The following PJA2 variants were observed in gnomAD, a reference collection of about 807,000 sequenced individuals.
PJA2 encodes the protein E3 ubiquitin-protein ligase Praja-2.
Under a neutral mutation model 69.3 loss-of-function variants are expected in PJA2, and 25 were observed. The ratio of observed to expected loss-of-function variants is 0.36; its 90% CI spans 0.26 to 0.50. The LOEUF (loss-of-function observed/expected upper bound fraction) is 0.50, where lower values mean the gene tolerates loss of function less well. Among genes scored for constraint, PJA2 ranks in the 20% least tolerant of loss-of-function variants. The probability of loss-of-function intolerance (pLI) is 0.96; values close to 1 mark genes in which losing one functional copy is unlikely to be tolerated. For missense variants in PJA2, 809 were observed against 830.2 expected (o/e 0.97, Z 0.31); for synonymous variants, 308 against 277.8 (o/e 1.11, Z -1.08).
chr5:109,365,124 G>A (rs1345078403), intron 5 of PJA2, among the ~76,000 whole-genome samples: 5 of 152,122 alleles, frequency 3.3e-5, no homozygotes, highest in Admixed American at 6.5e-5. Context: ...CTAGTGGTTC[G>A]GCTTCCAGTT....
chr5:109,388,195 C>G (rs148513653), intron 1 of PJA2, among the ~76,000 whole-genome samples: 19 of 151,970 alleles, frequency 1.3e-4, no homozygotes, highest in African/African-American at 4.6e-4. Context: ...CATGATATCA[C>G]TCAAGTAGAC....
intron 6 of PJA2, 60 bp from the exon 7 acceptor site, chr5:109,356,086 T>C: frequency 2.7e-6 from 3 of 1,113,776 alleles, no homozygotes; most frequent in Non-Finnish European, 4.0e-6. Flanking sequence ...AATCTTATGC[T>C]GAGGACATAA....
intron 5 of PJA2, among the ~76,000 whole-genome samples, chr5:109,363,802 C>T (rs1487367689): frequency 6.6e-6 from 1 of 151,910 alleles, no homozygotes; most frequent in Admixed American, 6.6e-5. Context: ...ATCAATGGTA[C>T]AGATCAAGAA....
At chr5:109,361,616 A>G (rs1171503442) in intron 6 of PJA2, among the ~76,000 whole-genome samples, 1 of 152,228 alleles carries the variant, frequency 6.6e-6, no homozygotes, top group African/African-American at 2.4e-5. Flanking sequence ...ATGGGGAGAC[A>G]CAGAAACGGA....
chr5:109,405,302 A>C (rs1026895270), intron 1 of PJA2, among the ~76,000 whole-genome samples: 1 of 152,238 alleles, frequency 6.6e-6, no homozygotes, highest in African/African-American at 2.4e-5. Context: ...ATAAATGGAG[A>C]CAACCTGTAT....
chr5:109,362,989 A>G lies in PJA2; in HGVS notation c.1503T>C (p.Pro501=). 6.2e-7 allele frequency: 1 copy of G among 1,606,034 alleles called. No individual in the cohort carries two copies. Among genetic ancestry groups the G allele is most frequent in the Non-Finnish European group, 8.5e-7 (1 of 1,173,848 alleles). Residue 501 remains proline, a synonymous_variant, in exon 6 of 10, where the codon CCT becomes CCC. Transcript: ENST00000361189. ...EQTSLEEGEI[P]WLQYNEVNES... ...CATTGACTTCATTGTACTGTAACCAAGGAATTTCTCCCTCTTCCAAGGATG... is the reference window on the plus strand; with the variant it reads ...CATTGACTTCATTGTACTGTAACCAGGGAATTTCTCCCTCTTCCAAGGATG...
At position 109,398,832 on chromosome 5, in the gene PJA2, A is replaced by G. The variant is rs193067608; in HGVS notation, c.-88+11010T>C. 4.6e-5 allele frequency among the ~76,000 whole-genome samples: 7 copies of G among 152,260 alleles called. No individual in the cohort carries two copies. The East Asian group carries it at 1.4e-3, about 29-fold the overall frequency. On this transcript the variant is annotated intron_variant, in intron 1 of 9. Transcript: ENST00000361189. ...TACTCCTAGAGCAGAGTCAGGAAAC[A>G]GTTTATAGTCCAGGCTCCTATACCA...
intron 1 of PJA2, among the ~76,000 whole-genome samples, chr5:109,387,228 TTG>T (rs1288781758): frequency 3.9e-5 from 6 of 152,142 alleles, no homozygotes; most frequent in African/African-American, 1.4e-4. Context: ...ATAGTAGTTC[TTG>T]TGTTATGAAT....
intron 4 of PJA2, among the ~76,000 whole-genome samples, chr5:109,377,416 G>C (rs1489517952): frequency 6.6e-6 from 1 of 152,014 alleles, no homozygotes; most frequent in East Asian, 1.9e-4. Context: ...TTCAGCAACT[G>C]AACAAAGAAA....
At chr5:109,353,183 T>C (rs577564835) in intron 7 of PJA2, among the ~76,000 whole-genome samples, 9 of 56,762 alleles carry the variant, frequency 1.6e-4, no homozygotes, top group Non-Finnish European at 2.4e-4. Context: ...TATCTATAGA[T>C]ATCTATATAT....
At chr5:109,353,813 T>G (rs1762333123) in intron 7 of PJA2, among the ~76,000 whole-genome samples, 1 of 129,402 alleles carries the variant, frequency 7.7e-6, no homozygotes, top group Non-Finnish European at 1.7e-5. Context: ...TATCTATAGA[T>G]TAGATGTCTA....
chr5:109,341,463 G>A (rs1466959208), intron 9 of PJA2, among the ~76,000 whole-genome samples: 2 of 140,066 alleles, frequency 1.4e-5, no homozygotes, highest in Admixed American at 1.4e-4. Flanking sequence ...CGTCTGAGAA[G>A]TGAGGAGCCT....
intron 1 of PJA2, among the ~76,000 whole-genome samples, chr5:109,401,414 T>A (rs1320716046): frequency 6.6e-6 from 1 of 151,960 alleles, no homozygotes; most frequent in African/African-American, 2.4e-5. Context: ...GAGACAAGCT[T>A]GTACCACTGC....
chr5:109,380,084 T>C (rs1177271681), intron 3 of PJA2, among the ~76,000 whole-genome samples: 1 of 138,484 alleles, frequency 7.2e-6, no homozygotes, highest in Non-Finnish European at 1.6e-5. Flanking sequence ...GTACGAAGGG[T>C]TCTTTTTTTT....
intron 7 of PJA2, among the ~76,000 whole-genome samples, chr5:109,354,134 C>A (rs62643549): frequency 0.58 from 27,801 of 48,172 alleles, 9,771 homozygotes; most frequent in African/African-American, 0.71. Context: ...GTATCTAGAG[C>A]TGTCTATAGA....
Position 109,362,851 on chromosome 5 carries a change from A to C in PJA2, c.1641T>G (p.Asp547Glu). Residue 547 changes from aspartate (D) to glutamate (E), a missense_variant, in exon 6 of 10, where the codon GAT (aspartate) becomes GAG (glutamate). Asp to Glu is a conservative substitution (Grantham distance 45, BLOSUM62 2). This residue lies in a region of PJA2 where 700 missense variants were observed against 639.5 expected (regional missense o/e 1.09). Coordinates refer to ENST00000361189, the MANE Select transcript of PJA2 (RefSeq NM_014819.5). ...ATCGTGCTACATACCTCCAATCCAC[A>C]TCTAAGTCTTCACTCACACTGGAGT... Reference protein sequence around the residue: ...EDDSSVSEDLDVDWSLFDGFA... With the variant: ...EDDSSVSEDLEVDWSLFDGFA... 6.2e-7 allele frequency: 1 copy of C among 1,607,754 alleles called. No homozygotes were observed. The highest frequency in any genetic ancestry group is 8.5e-7 in the Non-Finnish European group (1 of 1,175,192).
At chr5:109,398,223 C>A (rs1747461766) in intron 1 of PJA2, among the ~76,000 whole-genome samples, 1 of 152,132 alleles carries the variant, frequency 6.6e-6, no homozygotes, top group Non-Finnish European at 1.5e-5. Context: ...TGTGGTGATT[C>A]CTCAAGGATC....
intron 9 of PJA2, among the ~76,000 whole-genome samples, chr5:109,339,608 G>A (rs999378011): frequency 6.6e-6 from 1 of 152,186 alleles, no homozygotes; most frequent in African/African-American, 2.4e-5. Flanking sequence ...AATTTTAAGA[G>A]TTGGTGGCTC....
intron 4 of PJA2, among the ~76,000 whole-genome samples, chr5:109,371,307 T>C (rs1465525632): frequency 6.6e-6 from 1 of 152,180 alleles, no homozygotes; most frequent in Non-Finnish European, 1.5e-5. Context: ...CATTTTAAGA[T>C]TTTTCACCTT....
Sources: gnomAD v4.1 joint callset for allele counts (sites outside exome capture counted in the v4.1 genomes callset) on GRCh38, gnomAD v4.1.1 for gene constraint, gnomAD v4.1.1 regional missense constraint, MANE v1.5 for transcripts, NCBI Gene and HGNC (gene_info 2026-07-23, HGNC 2026-07-21) for gene names.